TTC28: variants seen among roughly 807,000 people sequenced by gnomAD.
TTC28 encodes tetratricopeptide repeat protein 28.
TTC28 carries 61 observed loss-of-function variants against 198.0 expected under a neutral mutation model. The ratio of observed to expected loss-of-function variants is 0.31; its 90% confidence interval spans 0.25 to 0.38. The LOEUF is 0.38. Among genes scored for constraint, TTC28 ranks in the 10% least tolerant of loss-of-function variants. The probability of loss-of-function intolerance (pLI) is 1.00; values close to 1 mark genes in which losing one functional copy is unlikely to be tolerated. For synonymous variants in TTC28, 1,171 were observed against 1,297.8 expected (o/e 0.90, Z 2.10); for missense variants, 2,678 against 3,164.0 (o/e 0.85, Z 3.69).
At chr22:28,374,017 C>T (rs1180594091) in intron 2 of TTC28, among the ~76,000 whole-genome samples, 1 of 152,160 alleles carries the variant, frequency 6.6e-6, no homozygotes, top group Non-Finnish European at 1.5e-5. Flanking sequence ...CTGTAAGTAA[C>T]TATACTTAGT....
chr22:28,271,326 G>A (rs1405164149), intron 5 of TTC28, among the ~76,000 whole-genome samples: 3 of 152,070 alleles, frequency 2.0e-5, no homozygotes, highest in Non-Finnish European at 4.4e-5. Context: ...TCTCTGGCAT[G>A]CTCATTAAGT....
At chr22:28,584,264 T>C (rs964969695) in intron 2 of TTC28, among the ~76,000 whole-genome samples, 1 of 152,206 alleles carries the variant, frequency 6.6e-6, no homozygotes, top group Non-Finnish European at 1.5e-5. Flanking sequence ...ATGACAAAAG[T>C]AGCTCTCATA....
At chr22:28,216,058 G>A (rs1927373823) in intron 5 of TTC28, among the ~76,000 whole-genome samples, 1 of 152,142 alleles carries the variant, frequency 6.6e-6, no homozygotes, top group South Asian at 2.1e-4. Flanking sequence ...AGGCATTTGA[G>A]ACACAATTGC....
chr22:28,405,193 T>C (rs188545987), intron 2 of TTC28, among the ~76,000 whole-genome samples: 9 of 152,210 alleles, frequency 5.9e-5, no homozygotes, highest in African/African-American at 2.2e-4. Flanking sequence ...TTTGACAATG[T>C]TTTTGAGATT....
At chr22:28,656,221 C>T (rs1207540008) in intron 1 of TTC28, among the ~76,000 whole-genome samples, 1 of 152,132 alleles carries the variant, frequency 6.6e-6, no homozygotes, top group Non-Finnish European at 1.5e-5. Flanking sequence ...AGGAGAGGCC[C>T]AAGGAGCCTG....
chr22:27,982,531 C>A lies in TTC28; in HGVS notation c.7136G>T (p.Arg2379Leu), dbSNP rs747761105. The change falls in exon 23 of 23, where the codon CGG becomes CTG. Residue 2379 changes from arginine (R) to leucine (L), a missense_variant. Physicochemically the swap from Arg to Leu is moderately radical, Grantham distance 102. Transcript: ENST00000397906. The surrounding 1 kb of genome is among the most constrained non-coding windows in gnomAD (Gnocchi z 5.2). Reference sequence around the variant, plus strand: ...GGAAGTCATCGTGCCAGGAGCCCCCCGGAAGATCTTCATTGGCCCTGTGGA... The same window carrying A: ...GGAAGTCATCGTGCCAGGAGCCCCCAGGAAGATCTTCATTGGCCCTGTGGA... ...QHSTGPMKIF[R>L]GAPGTMTSKR... 4 of 1,551,666 alleles carry A rather than the reference C, an allele frequency of 2.6e-6. No individual in the cohort carries two copies. In the Middle Eastern group the frequency reaches 6.7e-4, roughly 259 times the overall value.
chr22:28,554,912 C>A (rs1468482015), intron 2 of TTC28, among the ~76,000 whole-genome samples: 1 of 152,058 alleles, frequency 6.6e-6, no homozygotes, highest in Non-Finnish European at 1.5e-5. Context: ...GCAAAGTTAA[C>A]AGACAATCCA....
At chr22:28,040,310 C>G (rs1939566939) in intron 12 of TTC28, among the ~76,000 whole-genome samples, 1 of 152,136 alleles carries the variant, frequency 6.6e-6, no homozygotes, top group Non-Finnish European at 1.5e-5. Flanking sequence ...GCCAATATCC[C>G]TGATGAACAT....
chr22:28,572,314 C>T (rs2050076494), intron 2 of TTC28, among the ~76,000 whole-genome samples: 1 of 152,114 alleles, frequency 6.6e-6, no homozygotes, highest in Non-Finnish European at 1.5e-5. Flanking sequence ...CAGAGCGACA[C>T]TGTCTAAAAA....
chr22:28,001,212 G>A lies in TTC28; in HGVS notation c.4398+162C>T, dbSNP rs975692547. On this transcript the variant is annotated intron_variant, in intron 15 of 22. Coordinates refer to ENST00000397906, the MANE Select transcript of TTC28 (RefSeq NM_001145418.2). The stretch of plus-strand genomic sequence containing the variant: ...GAGGGCCGTGCCCCACTTTTGGACA[G>A]ACCTACTCTAAAGTCACGCTACCTG... The A allele has an allele frequency of 5.4e-6, 5 of 918,382 alleles. No homozygotes were observed. In the African/African-American group the frequency reaches 8.3e-5, roughly 15 times the overall value. 56.9% of individuals were successfully genotyped at this position (918,382 alleles called of 1,614,324 possible). A position where few individuals can be genotyped will look rare whatever the true frequency, so the allele number is the denominator to read the frequency against.
At chr22:28,450,528 A>C (rs2047763628) in intron 2 of TTC28, among the ~76,000 whole-genome samples, 1 of 152,212 alleles carries the variant, frequency 6.6e-6, no homozygotes, top group Admixed American at 6.5e-5. Context: ...AATTATCCGC[A>C]CACAAGCACA....
chr22:28,651,852 G>C (rs2051569324), intron 1 of TTC28, among the ~76,000 whole-genome samples: 1 of 150,948 alleles, frequency 6.6e-6, no homozygotes, highest in African/African-American at 2.4e-5. Flanking sequence ...TTGTTTGTTT[G>C]TTTTGAAATG....
At chr22:28,243,734 C>T (rs554926497) in intron 5 of TTC28, among the ~76,000 whole-genome samples, 4 of 152,144 alleles carry the variant, frequency 2.6e-5, no homozygotes, top group African/African-American at 9.6e-5. Context: ...TGAGAATGTC[C>T]TCTGACACAG....
intron 5 of TTC28, among the ~76,000 whole-genome samples, chr22:28,192,188 T>C (rs1924876327): frequency 6.6e-6 from 1 of 152,082 alleles, no homozygotes; most frequent in African/African-American, 2.4e-5. Flanking sequence ...GGGTCTGGAG[T>C]GGACCTCCAG....
At chr22:28,219,071 A>T (rs984416357) in intron 5 of TTC28, among the ~76,000 whole-genome samples, 3 of 152,192 alleles carry the variant, frequency 2.0e-5, no homozygotes, top group Non-Finnish European at 4.4e-5. Context: ...CCATACTTTG[A>T]GAACCACTGA....
At chr22:28,190,845 T>C (rs558973239) in intron 5 of TTC28, among the ~76,000 whole-genome samples, 100 of 152,316 alleles carry the variant, frequency 6.6e-4, no homozygotes, top group African/African-American at 2.3e-3. Flanking sequence ...GCCCCGTTCT[T>C]ATTTTGGGTC....
At chr22:28,151,528 C>G (rs1017793478) in intron 6 of TTC28, among the ~76,000 whole-genome samples, 4 of 152,190 alleles carry the variant, frequency 2.6e-5, no homozygotes, top group African/African-American at 7.2e-5. Context: ...TTTTAAATAG[C>G]AATGTCTAGA....
intron 5 of TTC28, among the ~76,000 whole-genome samples, chr22:28,247,037 C>T (rs987045417): frequency 2.4e-4 from 36 of 152,142 alleles, no homozygotes; most frequent in African/African-American, 8.7e-4. Context: ...ATCTGTCTGA[C>T]CCTGGGCAGT....
At chr22:28,153,431 GTT>G (rs1158407620) in intron 6 of TTC28, among the ~76,000 whole-genome samples, 1 of 117,854 alleles carries the variant, frequency 8.5e-6, no homozygotes, top group Non-Finnish European at 1.8e-5. Context: ...TTCGTTTTTT[GTT>G]TTTTGTTTTT....
Sources: gnomAD v4.1 joint callset for allele counts (sites outside exome capture counted in the v4.1 genomes callset) on GRCh38, gnomAD v4.1.1 for gene constraint, Gnocchi (gnomAD v3.1) non-coding constraint, MANE v1.5 for transcripts, NCBI Gene and HGNC (gene_info 2026-07-23, HGNC 2026-07-21) for gene names.